ELMO1: variants seen among roughly 807,000 people sequenced by gnomAD.
ELMO1 encodes the protein engulfment and cell motility 1.
A neutral mutation model predicts 98.9 loss-of-function variants in ELMO1; 26 were observed. The ratio of observed to expected loss-of-function variants is 0.26; its 90% confidence interval spans 0.19 to 0.36. The LOEUF is 0.36. Among genes scored for constraint, ELMO1 ranks in the 10% least tolerant of loss-of-function variants. ELMO1 has a pLI of 1.00. For missense variants in ELMO1, 627 were observed against 935.2 expected, an observed-to-expected ratio of 0.67 and a Z score of 4.30; for synonymous variants, 346 against 346.0, an observed-to-expected ratio of 1.00 and a Z score of 0.00.
intron 13 of ELMO1, among the ~76,000 whole-genome samples, chr7:37,164,577 C>T (rs1487710180): frequency 6.6e-6 from 1 of 152,176 alleles, no homozygotes; most frequent in East Asian, 1.9e-4. Flanking sequence ...TTTCCCAGCA[C>T]CATTTGTTAA....
At chr7:37,064,085 A>C (rs1445814937) in intron 15 of ELMO1, among the ~76,000 whole-genome samples, 1 of 152,166 alleles carries the variant, frequency 6.6e-6, no homozygotes, top group Non-Finnish European at 1.5e-5. Context: ...GAGCAGCTGA[A>C]GTGTCTGCAA....
chr7:36,996,016 C>T (rs1280032125), intron 16 of ELMO1, among the ~76,000 whole-genome samples: 1 of 152,172 alleles, frequency 6.6e-6, no homozygotes, highest in Admixed American at 6.5e-5. Context: ...GAAGTCTTTG[C>T]CATCATCTCA....
At chr7:37,148,620 T>A (rs548031543) in intron 13 of ELMO1, among the ~76,000 whole-genome samples, 14 of 152,326 alleles carry the variant, frequency 9.2e-5, no homozygotes, top group Admixed American at 8.5e-4. Context: ...TCCTTTAAAA[T>A]TGAAGCTGGT....
At chr7:37,022,095 C>A (rs1420717072) in intron 15 of ELMO1, among the ~76,000 whole-genome samples, 1 of 152,172 alleles carries the variant, frequency 6.6e-6, no homozygotes, top group Admixed American at 6.5e-5. Context: ...ATACCATCTG[C>A]AAAGATCAGT....
intron 1 of ELMO1, among the ~76,000 whole-genome samples, chr7:37,371,902 G>A (rs745778494): frequency 6.6e-6 from 1 of 152,172 alleles, no homozygotes; most frequent in Non-Finnish European, 1.5e-5. Context: ...AGGGAGAGAT[G>A]GGTTGGGGGA....
chr7:37,058,316 T>G (rs941793044), intron 15 of ELMO1, among the ~76,000 whole-genome samples: 9 of 152,186 alleles, frequency 5.9e-5, no homozygotes, highest in African/African-American at 1.9e-4. Flanking sequence ...ATTTAAAAAA[T>G]CCCACCCTCG....
rs182968531 is a variant in ELMO1, at chr7:37,050,316, C to T, written c.1301-36881G>A. On this transcript the variant is annotated intron_variant, in intron 15 of 21. Coordinates refer to ENST00000310758, the MANE Select transcript of ELMO1 (RefSeq NM_014800.11). ...CTTGAACTCCTGAGCTCAGGTAATC[C>T]GCCCACCTTGGCCTCCCCAAGTACT... Among the ~76,000 whole-genome samples the T allele has an allele frequency of 1.8e-3, 279 of 152,118 alleles. 1 individual carries two copies. The highest frequency in any genetic ancestry group is 5.2e-3 in the African/African-American group (214 of 41,494).
At chr7:37,079,089 G>A (rs1164319355) in intron 15 of ELMO1, among the ~76,000 whole-genome samples, 1 of 152,116 alleles carries the variant, frequency 6.6e-6, no homozygotes, top group South Asian at 2.1e-4. Flanking sequence ...CTTGGCTAAG[G>A]AAATTATTAA....
At chr7:37,206,224 T>C (rs1478556630) in intron 13 of ELMO1, among the ~76,000 whole-genome samples, 1 of 152,034 alleles carries the variant, frequency 6.6e-6, no homozygotes, top group Non-Finnish European at 1.5e-5. Context: ...TCCAAGTATC[T>C]ACTAATTTAA....
At chr7:37,428,729 T>C (rs1251639618) in intron 1 of ELMO1, among the ~76,000 whole-genome samples, 1 of 152,276 alleles carries the variant, frequency 6.6e-6, no homozygotes, top group African/African-American at 2.4e-5. Context: ...TACTTTTTAA[T>C]TAACATTCTG....
At chr7:36,945,583 C>T (rs11972353) in intron 16 of ELMO1, among the ~76,000 whole-genome samples, 17,887 of 152,160 alleles carry the variant, frequency 0.12, 1,388 homozygotes, top group African/African-American at 0.22. Flanking sequence ...ATAAGAATGC[C>T]TCTGTTTTTC....
intron 9 of ELMO1, among the ~76,000 whole-genome samples, chr7:37,222,906 A>G (rs1584832228): frequency 6.6e-6 from 1 of 152,200 alleles, no homozygotes; most frequent in Admixed American, 6.5e-5. Context: ...CTGACAGTAC[A>G]CTGGTCAGTG....
chr7:37,161,188 C>G (rs1203398934), intron 13 of ELMO1, among the ~76,000 whole-genome samples: 1 of 152,126 alleles, frequency 6.6e-6, no homozygotes, highest in Admixed American at 6.5e-5. Context: ...AAAGTTCCCT[C>G]TTGAAGAAAT....
chr7:36,870,618 A>T lies in ELMO1; in HGVS notation c.1823-143T>A. On this transcript the variant is annotated intron_variant, in intron 19 of 21. Transcript: ENST00000310758. This position sits in a 1 kb window ranked among gnomAD's most constrained non-coding sequence, Gnocchi z 4.4. ...CAAAAAGAAGAGTGTTGAAAAGAGG[A>T]AGAGAAGCCAGGTAGTGTCCCAGGA... is the stretch of plus-strand genomic sequence containing the variant. 2 of 752,628 alleles carry T rather than the reference A, an allele frequency of 2.7e-6. No individual in the cohort carries two copies. Among genetic ancestry groups the T allele is most frequent in the Non-Finnish European group, 4.2e-6 (2 of 479,254 alleles). The allele number at this position is 752,628 out of a possible 1,614,324, so 46.6% of individuals were successfully genotyped here.
At chr7:37,237,750 T>C (rs1794556183) in intron 7 of ELMO1, among the ~76,000 whole-genome samples, 2 of 152,230 alleles carry the variant, frequency 1.3e-5, no homozygotes, top group African/African-American at 2.4e-5. Context: ...AAAATGTATA[T>C]ACATTGAAAG....
chr7:37,179,434 C>T lies in ELMO1; in HGVS notation c.1086+31952G>A, dbSNP rs561171066. On this transcript the variant is annotated intron_variant, in intron 13 of 21. Transcript: ENST00000310758. ...CTGTGATTACAGGGGCCCGCCACCACGACCGGCTAATTTTTTGTATTTTTA... is the reference window on the plus strand; with the variant it reads ...CTGTGATTACAGGGGCCCGCCACCATGACCGGCTAATTTTTTGTATTTTTA... 5.9e-5 allele frequency among the ~76,000 whole-genome samples: 9 copies of T among 152,046 alleles called. No homozygotes were observed. In the South Asian group the frequency reaches 8.3e-4, roughly 14 times the overall value.
At chr7:37,214,669 G>C (rs1310740018) in intron 11 of ELMO1, among the ~76,000 whole-genome samples, 1 of 136,952 alleles carries the variant, frequency 7.3e-6, no homozygotes, top group African/African-American at 3.0e-5. Context: ...AGGGAAGCTA[G>C]ATAACGGATG....
At chr7:37,339,791 T>G (rs553183917) in intron 2 of ELMO1, among the ~76,000 whole-genome samples, 12 of 152,256 alleles carry the variant, frequency 7.9e-5, no homozygotes, top group Non-Finnish European at 1.3e-4. Context: ...TTTAACCAAC[T>G]GTTTACACTT....
chr7:37,242,025 T>G (rs908695361), intron 7 of ELMO1, among the ~76,000 whole-genome samples: 6 of 152,216 alleles, frequency 3.9e-5, no homozygotes, highest in Non-Finnish European at 8.8e-5. Flanking sequence ...TTGCTTCATA[T>G]ATCTCCATCA....
Sources: gnomAD v4.1 joint callset for allele counts (sites outside exome capture counted in the v4.1 genomes callset) on GRCh38, gnomAD v4.1.1 for gene constraint, Gnocchi (gnomAD v3.1) non-coding constraint, MANE v1.5 for transcripts, NCBI Gene and HGNC (gene_info 2026-07-23, HGNC 2026-07-21) for gene names.